Variants in CDH13 observed in about 807,000 individuals in gnomAD.
The protein encoded by CDH13 is cadherin 13, also known as cadherin-13.
CDH13 carries 24 observed loss-of-function variants against 63.8 expected under a neutral mutation model. The observed-to-expected ratio is 0.38, with a 90% CI of 0.27 to 0.53. The LOEUF is 0.53. Ranked by LOEUF, CDH13 falls within the 20% of genes least tolerant of loss-of-function variation. CDH13 has a pLI of 0.85. For synonymous variants in CDH13, 503 were observed against 355.3 expected, an observed-to-expected ratio of 1.42 and a Z score of -4.67; for missense variants, 1,049 against 903.1, an observed-to-expected ratio of 1.16 and a Z score of -2.07.
chr16:83,153,124 A>T (rs1192422518), intron 4 of CDH13, among the ~76,000 whole-genome samples: 1 of 152,162 alleles, frequency 6.6e-6, no homozygotes, highest in Admixed American at 6.5e-5. Context: ...CTGGAGTTTT[A>T]TTATTACTCC....
At chr16:83,712,535 A>G (rs1186598881) in intron 10 of CDH13, among the ~76,000 whole-genome samples, 13 of 152,214 alleles carry the variant, frequency 8.5e-5, no homozygotes, top group Non-Finnish European at 1.9e-4. Flanking sequence ...TGCGCCCTGC[A>G]TTTGATTTCA....
rs2038804082 is a variant in CDH13, at chr16:82,837,218, T to A, written c.46-21144T>A. ...TCAGGCTCAGCGGGGTGACCTCCCA[T>A]GAGAAGCTGAAACTATCTTAATTAC... is the stretch of plus-strand genomic sequence containing the variant. On this transcript the variant is annotated intron_variant, in intron 1 of 13. Coordinates refer to ENST00000567109, the MANE Select transcript of CDH13 (RefSeq NM_001257.5). 2.0e-5 allele frequency among the ~76,000 whole-genome samples: 3 copies of A among 152,170 alleles called. No individual in the cohort carries two copies. The South Asian group carries it at 6.2e-4, about 31-fold the overall frequency.
chr16:83,383,939 G>A (rs1385003839), intron 6 of CDH13, among the ~76,000 whole-genome samples: 1 of 152,082 alleles, frequency 6.6e-6, no homozygotes, highest in African/African-American at 2.4e-5. Context: ...CAATGATACA[G>A]ACACACACAT....
chr16:83,426,245 A>T (rs2071892044), intron 6 of CDH13, among the ~76,000 whole-genome samples: 1 of 152,022 alleles, frequency 6.6e-6, no homozygotes, highest in African/African-American at 2.4e-5. Context: ...AGGGCTCTGG[A>T]TTCTGGTTCA....
At chr16:82,671,856 G>A (rs1038693053) in intron 1 of CDH13, among the ~76,000 whole-genome samples, 2 of 152,188 alleles carry the variant, frequency 1.3e-5, no homozygotes, top group Admixed American at 1.3e-4. Flanking sequence ...ATATGTCCAA[G>A]AATAAAGAAA....
At chr16:83,389,146 T>G (rs2091735922) in intron 6 of CDH13, among the ~76,000 whole-genome samples, 1 of 152,188 alleles carries the variant, frequency 6.6e-6, no homozygotes, top group South Asian at 2.1e-4. Context: ...TGCATCAGAA[T>G]CACTCAGATT....
intron 1 of CDH13, among the ~76,000 whole-genome samples, chr16:82,793,266 C>T (rs1327434052): frequency 3.3e-5 from 5 of 151,914 alleles, no homozygotes; most frequent in African/African-American, 9.7e-5. Flanking sequence ...ACAAGGTGTG[C>T]AGACATTGTG....
intron 2 of CDH13, among the ~76,000 whole-genome samples, chr16:82,980,272 C>A (rs909361128): frequency 2.0e-5 from 3 of 152,184 alleles, no homozygotes; most frequent in African/African-American, 7.2e-5. Context: ...TTCCTTTTCT[C>A]CCTGCCTTCC....
chr16:82,782,425 G>A (rs1025044617), intron 1 of CDH13, among the ~76,000 whole-genome samples: 1 of 152,056 alleles, frequency 6.6e-6, no homozygotes, highest in Non-Finnish European at 1.5e-5. Flanking sequence ...CCAGGCAAGT[G>A]CCTGTAATCC....
At chr16:83,281,582 C>T (rs2089176621) in intron 5 of CDH13, among the ~76,000 whole-genome samples, 1 of 152,134 alleles carries the variant, frequency 6.6e-6, no homozygotes, top group South Asian at 2.1e-4. Flanking sequence ...TGGCTTTCAG[C>T]TATCTCAGCT....
chr16:83,454,635 G>A (rs557511649), intron 6 of CDH13, among the ~76,000 whole-genome samples: 7 of 152,128 alleles, frequency 4.6e-5, no homozygotes, highest in African/African-American at 1.7e-4. Context: ...AAACATCTAG[G>A]CCATCGATTT....
chr16:82,856,777 A>C (rs911939849), intron 1 of CDH13, among the ~76,000 whole-genome samples: 1 of 151,896 alleles, frequency 6.6e-6, no homozygotes, highest in Non-Finnish European at 1.5e-5. Flanking sequence ...ATGAGGAAAT[A>C]AGTCAGGGAA....
chr16:83,018,735 G>A (rs56184188), intron 2 of CDH13, among the ~76,000 whole-genome samples: 16,364 of 152,226 alleles, frequency 0.11, 1,023 homozygotes, highest in African/African-American at 0.18. Flanking sequence ...TACACACCTA[G>A]GTGATCTCTT....
chr16:83,463,458 G>A (rs1467358116), intron 6 of CDH13, among the ~76,000 whole-genome samples: 74 of 152,306 alleles, frequency 4.9e-4, no homozygotes, highest in Admixed American at 4.8e-3. Flanking sequence ...GTTGTGCAGA[G>A]GAAGATGGCA....
intron 11 of CDH13, among the ~76,000 whole-genome samples, chr16:83,757,830 A>C (rs1224676562): frequency 1.3e-5 from 2 of 152,056 alleles, no homozygotes; most frequent in Non-Finnish European, 2.9e-5. Context: ...AAACTTATCA[A>C]AAATAACCTA....
At chr16:82,687,316 A>G (rs2150969839) in intron 1 of CDH13, among the ~76,000 whole-genome samples, 2 of 152,314 alleles carry the variant, frequency 1.3e-5, no homozygotes, top group Admixed American at 6.5e-5. Context: ...TTTCCAATTT[A>G]TAGCAAGATG....
intron 6 of CDH13, among the ~76,000 whole-genome samples, chr16:83,455,573 C>G (rs1413046111): frequency 1.3e-5 from 2 of 152,162 alleles, no homozygotes; most frequent in African/African-American, 4.8e-5. Context: ...ACACGTGGCT[C>G]CTTCTTGTGC....
intron 4 of CDH13, among the ~76,000 whole-genome samples, chr16:83,166,939 CT>C (rs1265078682): frequency 6.6e-6 from 1 of 152,140 alleles, no homozygotes; most frequent in Non-Finnish European, 1.5e-5. Flanking sequence ...TCACAATTAG[CT>C]GCCTAAGATT....
At chr16:83,262,830 T>C (rs1907150584) in intron 5 of CDH13, among the ~76,000 whole-genome samples, 1 of 152,198 alleles carries the variant, frequency 6.6e-6, no homozygotes, top group Non-Finnish European at 1.5e-5. Flanking sequence ...TTAAAAGCTT[T>C]CTCCCAACGC....
Sources: gnomAD v4.1 joint callset for allele counts (sites outside exome capture counted in the v4.1 genomes callset) on GRCh38, gnomAD v4.1.1 for gene constraint, MANE v1.5 for transcripts, NCBI Gene and HGNC (gene_info 2026-07-23, HGNC 2026-07-21) for gene names.